The following MYT1L variants were observed in gnomAD, a reference collection of about 807,000 sequenced individuals.
The protein encoded by MYT1L is myelin transcription factor 1 like.
A neutral mutation model predicts 126.7 loss-of-function variants in MYT1L; 12 were observed. The ratio of observed to expected loss-of-function variants is 0.09; its 90% CI spans 0.06 to 0.15. MYT1L has a LOEUF of 0.15. Ranked by LOEUF, MYT1L falls within the 10% of genes least tolerant of loss-of-function variation. The probability of loss-of-function intolerance (pLI) is 1.00; values close to 1 mark genes in which losing one functional copy is unlikely to be tolerated. For missense variants in MYT1L, 979 were observed against 1,585.2 expected (o/e 0.62, Z 6.49); for synonymous variants, 541 against 604.2 (o/e 0.90, Z 1.53).
rs201262588 is a variant in MYT1L, at chr2:2,045,684, GA to G, written c.-158+8293del. The stretch of plus-strand genomic sequence containing the variant: ...ATGTAGTTGTACTGTGAATGCATTA[GA>G]AATTAGACAAATTGCCTTTTTCTCA... On this transcript the variant is annotated intron_variant, in intron 4 of 24. Coordinates refer to ENST00000647738, the MANE Select transcript of MYT1L (RefSeq NM_001303052.2). Among the ~76,000 whole-genome samples the G allele has an allele frequency of 7.6e-3, 1,152 of 152,294 alleles. 16 individuals carry two copies. Among genetic ancestry groups the G allele is most frequent in the African/African-American group, 0.027 (1,107 of 41,548 alleles).
intron 9 of MYT1L, among the ~76,000 whole-genome samples, chr2:1,924,708 C>T (rs751669033): frequency 1.3e-5 from 2 of 152,182 alleles, no homozygotes; most frequent in African/African-American, 4.8e-5. Context: ...CATAGAGAAT[C>T]GCTAATTGTG....
At chr2:2,170,170 G>A (rs1559214311) in intron 3 of MYT1L, among the ~76,000 whole-genome samples, 1 of 152,180 alleles carries the variant, frequency 6.6e-6, no homozygotes, top group Non-Finnish European at 1.5e-5. Context: ...TGTCATGCGA[G>A]TTTGCAAGGA....
intron 9 of MYT1L, among the ~76,000 whole-genome samples, chr2:1,932,154 T>A (rs1366495588): frequency 6.6e-6 from 1 of 152,138 alleles, no homozygotes. Context: ...CACAGCTGAT[T>A]AAGCTGCAAC....
intron 21 of MYT1L, chr2:1,825,086 C>G (rs1025512727): frequency 1.3e-5 from 2 of 152,256 alleles, no homozygotes; most frequent in African/African-American, 4.8e-5. Flanking sequence ...GCCAGACTTT[C>G]TCCCTTTCCC....
rs558538953 is a variant in MYT1L at position 2,052,384 on chromosome 2, T to C, written c.-158+1594A>G. 1.1e-3 allele frequency among the ~76,000 whole-genome samples: 164 copies of C among 152,322 alleles called. 1 individual carries two copies. The highest frequency in any genetic ancestry group is 9.7e-3 in the Admixed American group (149 of 15,304). The stretch of plus-strand genomic sequence containing the variant: ...TTCCTGACATTGGATTTGGCAATGA[T>C]TGATTGGATATGATACCCAAAGTAT... On this transcript the variant is annotated intron_variant, in intron 4 of 24. Coordinates refer to ENST00000647738, the MANE Select transcript of MYT1L (RefSeq NM_001303052.2).
chr2:2,089,122 C>G (rs1038786333), intron 3 of MYT1L, among the ~76,000 whole-genome samples: 1 of 152,158 alleles, frequency 6.6e-6, no homozygotes, highest in Non-Finnish European at 1.5e-5. Flanking sequence ...TGGCTTTACA[C>G]ATGGAGGAAA....
intron 4 of MYT1L, among the ~76,000 whole-genome samples, chr2:2,052,595 T>C (rs1174264345): frequency 6.6e-6 from 1 of 152,052 alleles, no homozygotes; most frequent in Non-Finnish European, 1.5e-5. Flanking sequence ...CAAAAACAAA[T>C]AACTGATTAA....
chr2:2,120,313 G>T (rs572817689), intron 3 of MYT1L, among the ~76,000 whole-genome samples: 1 of 152,168 alleles, frequency 6.6e-6, no homozygotes, highest in Non-Finnish European at 1.5e-5. Flanking sequence ...TAAAGCTGGG[G>T]ATGAACGTCA....
In MYT1L at chr2:2,325,450, GA is replaced by G. The variant is rs1352927147; in HGVS notation, c.-521+5516del. The G allele has an allele frequency of 3.3e-5, 5 of 152,206 alleles. No individual in the cohort carries two copies. In the East Asian group the frequency reaches 9.6e-4, roughly 29 times the overall value. 9.4% of individuals were successfully genotyped at this position (152,206 alleles called of 1,614,324 possible). ...ATTATTGTTTGAAGAAAAAAATATA[GA>G]AAAAGTTTTCTTTGAAAAGACAAGT... is the stretch of plus-strand genomic sequence containing the variant. On this transcript the variant is annotated intron_variant, in intron 1 of 24. Coordinates refer to ENST00000647738, the MANE Select transcript of MYT1L (RefSeq NM_001303052.2).
chr2:2,089,676 T>C (rs1012177473), intron 3 of MYT1L, among the ~76,000 whole-genome samples: 3 of 152,046 alleles, frequency 2.0e-5, no homozygotes, highest in Non-Finnish European at 4.4e-5. Context: ...TAGCACAGAG[T>C]AGGAGGAGGA....
chr2:1,900,870 C>T (rs2050252279), intron 14 of MYT1L, among the ~76,000 whole-genome samples: 1 of 152,170 alleles, frequency 6.6e-6, no homozygotes, highest in South Asian at 2.1e-4. Flanking sequence ...CAAAGCATGG[C>T]TCAGCTTTAG....
At chr2:2,115,288 T>A (rs775434706) in intron 3 of MYT1L, among the ~76,000 whole-genome samples, 1 of 152,252 alleles carries the variant, frequency 6.6e-6, no homozygotes, top group Non-Finnish European at 1.5e-5. Flanking sequence ...CCAGTGTTTT[T>A]ACCAGTTTGT....
At chr2:2,063,339 C>A (rs780585857) in intron 3 of MYT1L, among the ~76,000 whole-genome samples, 1 of 152,058 alleles carries the variant, frequency 6.6e-6, no homozygotes, top group African/African-American at 2.4e-5. Flanking sequence ...AGGGCTTGCA[C>A]GAACATCTAG....
intron 21 of MYT1L, among the ~76,000 whole-genome samples, chr2:1,822,259 G>T (rs1191569464): frequency 6.6e-6 from 1 of 152,174 alleles, no homozygotes; most frequent in East Asian, 1.9e-4. Context: ...CATTATATTT[G>T]TGGGTTTATA....
intron 3 of MYT1L, among the ~76,000 whole-genome samples, chr2:2,062,998 G>A (rs1212357043): frequency 6.6e-6 from 1 of 152,166 alleles, no homozygotes; most frequent in African/African-American, 2.4e-5. Flanking sequence ...ACACGATTCA[G>A]CCAATGGTCC....
Position 1,889,553 on chromosome 2 carries a change from A to G in MYT1L, c.2284-76T>C, listed in dbSNP as rs2048576844. 4 of 1,208,854 alleles carry G rather than the reference A, an allele frequency of 3.3e-6. No homozygotes were observed. In the South Asian group the frequency reaches 4.4e-5, roughly 13 times the overall value. The allele number at this position is 1,208,854 out of a possible 1,614,324, so 74.9% of individuals were successfully genotyped here. A position where few individuals can be genotyped will look rare whatever the true frequency, so the allele number is the denominator to read the frequency against. On this transcript the variant is annotated intron_variant, in intron 15 of 24. Coordinates refer to ENST00000647738, the MANE Select transcript of MYT1L (RefSeq NM_001303052.2). This position sits in a 1 kb window ranked among gnomAD's most constrained non-coding sequence, Gnocchi z 4.1. ...CCACGAGTCCTTCCTCCCAGATTAC[A>G]GTCCTGCCGTCAGCCAGTGTAGCGT...
intron 2 of MYT1L, among the ~76,000 whole-genome samples, chr2:2,207,261 T>C (rs1003592914): frequency 1.3e-5 from 2 of 152,094 alleles, no homozygotes; most frequent in Non-Finnish European, 2.9e-5. Context: ...AAATTGATTG[T>C]ATTATATATT....
intron 8 of MYT1L, among the ~76,000 whole-genome samples, chr2:1,952,833 T>C (rs1441800860): frequency 0.019 from 1,183 of 63,276 alleles, 46 homozygotes; most frequent in Non-Finnish European, 0.022. Flanking sequence ...CCCTCCCTCC[T>C]TCCCTTACCT....
chr2:1,992,246 A>T (rs565239315), intron 5 of MYT1L, among the ~76,000 whole-genome samples: 2 of 152,202 alleles, frequency 1.3e-5, no homozygotes, highest in Non-Finnish European at 2.9e-5. Flanking sequence ...TCCTGAATGT[A>T]TGAGGTGATT....
Sources: gnomAD v4.1 joint callset for allele counts (sites outside exome capture counted in the v4.1 genomes callset) on GRCh38, gnomAD v4.1.1 for gene constraint, Gnocchi (gnomAD v3.1) non-coding constraint, MANE v1.5 for transcripts, NCBI Gene and HGNC (gene_info 2026-07-23, HGNC 2026-07-21) for gene names.